Variants in ST3GAL6 observed in about 807,000 individuals in gnomAD.
ST3GAL6 encodes type 2 lactosamine alpha-2,3-sialyltransferase.
Under a neutral mutation model 40.5 loss-of-function variants are expected in ST3GAL6, and 31 were observed. That is an observed-to-expected ratio of 0.77 (90% CI 0.58 to 1.03). ST3GAL6 has a LOEUF of 1.03. ST3GAL6 is among the 50% of genes least tolerant of loss of function. The probability of loss-of-function intolerance (pLI) is 0.00; values close to 1 mark genes in which losing one functional copy is unlikely to be tolerated. For synonymous variants in ST3GAL6, 129 were observed against 136.9 expected, an observed-to-expected ratio of 0.94 and a Z score of 0.40; for missense variants, 357 against 393.2, an observed-to-expected ratio of 0.91 and a Z score of 0.78.
chr3:98,756,448 C>G lies in ST3GAL6; in HGVS notation c.-11-11982C>G, dbSNP rs1414821251. 2.3e-6 allele frequency: 3 copies of G among 1,289,748 alleles called. No individual in the cohort carries two copies. In the East Asian group the frequency reaches 1.7e-4, roughly 72 times the overall value. 79.9% of individuals were successfully genotyped at this position (1,289,748 alleles called of 1,614,324 possible). ...GAGGCCCCAGCAATTCAGCAGGCAG[C>G]GTCCTGAGTCTTTGGCAGCCTGGTC... On this transcript the variant is annotated intron_variant, in intron 1 of 9. Coordinates refer to the ST3GAL6 transcript ENST00000265261.
At chr3:98,754,180 A>T (rs1387740716) in intron 1 of ST3GAL6, among the ~76,000 whole-genome samples, 1 of 152,206 alleles carries the variant, frequency 6.6e-6, no homozygotes, top group Non-Finnish European at 1.5e-5. Context: ...GCCTTCTGGA[A>T]AGAATTCACC....
chr3:98,753,842 A>AG (rs1241837449), intron 1 of ST3GAL6, among the ~76,000 whole-genome samples: 1 of 152,206 alleles, frequency 6.6e-6, no homozygotes, highest in African/African-American at 2.4e-5. Flanking sequence ...TGTGCTATAA[A>AG]GGAACAGCAT....
At chr3:98,765,150 C>T (rs1938192801) in intron 1 of ST3GAL6, among the ~76,000 whole-genome samples, 1 of 152,076 alleles carries the variant, frequency 6.6e-6, no homozygotes, top group Non-Finnish European at 1.5e-5. Flanking sequence ...TTGAGCCTGC[C>T]CTAGAGTCAC....
intron 8 of ST3GAL6, 66 bp from the exon 9 acceptor site, chr3:98,791,775 C>A: frequency 6.9e-7 from 1 of 1,444,244 alleles, no homozygotes; most frequent in Non-Finnish European, 9.5e-7. Context: ...ATTCAGCCAA[C>A]CAAATATGCT....
chr3:98,733,044 C>G (rs1935176278), intron 1 of ST3GAL6: 1 of 1,421,422 alleles, frequency 7.0e-7, no homozygotes, highest in South Asian at 1.5e-5. Flanking sequence ...GAAGACCGGT[C>G]TGGGCCGGGG....
At chr3:98,766,978 T>A (rs1175911334) in intron 1 of ST3GAL6, among the ~76,000 whole-genome samples, 1 of 152,230 alleles carries the variant, frequency 6.6e-6, no homozygotes, top group Non-Finnish European at 1.5e-5. Flanking sequence ...TGTTGACTCT[T>A]CACAGGGATT....
chr3:98,758,785 G>A (rs1303481098), upstream of ST3GAL6, among the ~76,000 whole-genome samples: 1 of 152,210 alleles, frequency 6.6e-6, no homozygotes, highest in Non-Finnish European at 1.5e-5. Flanking sequence ...ATGGGAAGCT[G>A]ATACTTCACT....
chr3:98,763,425 G>A lies in ST3GAL6; in HGVS notation c.-26G>A. The A allele has an allele frequency of 7.8e-7, 1 of 1,289,770 alleles. No homozygotes were observed. Among genetic ancestry groups the A allele is most frequent in the East Asian group, 5.6e-5 (1 of 18,012 alleles). 79.9% of individuals were successfully genotyped at this position (1,289,770 alleles called of 1,614,324 possible). A position where few individuals can be genotyped will look rare whatever the true frequency, so the allele number is the denominator to read the frequency against. On this transcript the variant is annotated 5_prime_UTR_variant, in exon 1 of 10. It introduces an in-frame stop codon into an upstream open reading frame of the 5' UTR. Transcript: ENST00000483910. ...GACACAGGTGTCAGCAGGGCCACCT[G>A]GTAAAGGTATGGAGGTGAGCCATGA...
At chr3:98,733,411 T>A (rs1010942625) in intron 1 of ST3GAL6, 78 of 1,015,196 alleles carry the variant, frequency 7.7e-5, no homozygotes, top group Non-Finnish European at 8.9e-5. Context: ...CCAAGAGGAG[T>A]GTCCAGCTCC....
At chr3:98,762,191 T>C (rs1203253801), upstream of ST3GAL6, among the ~76,000 whole-genome samples, 1 of 151,846 alleles carries the variant, frequency 6.6e-6, no homozygotes, top group Non-Finnish European at 1.5e-5. Flanking sequence ...AGCAGAAGAG[T>C]TGGGGGAGGA....
intron 5 of ST3GAL6, among the ~76,000 whole-genome samples, chr3:98,781,476 A>G (rs948977451): frequency 2.0e-5 from 3 of 148,038 alleles, no homozygotes; most frequent in Admixed American, 2.0e-4. Context: ...TTAAAGTATA[A>G]AAAAAAAAAA....
At chr3:98,733,257 G>C in intron 1 of ST3GAL6, 1 of 983,182 alleles carries the variant, frequency 1.0e-6, no homozygotes, top group Non-Finnish European at 1.2e-6. Context: ...ACCGCCGAGA[G>C]GGCACCCGGG....
At chr3:98,785,171 C>T (rs1940578806) in intron 6 of ST3GAL6, 131 bp downstream of exon 6, 5 of 612,308 alleles carry the variant, frequency 8.2e-6, no homozygotes, top group East Asian at 2.9e-5. Context: ...ACAACCTTCT[C>T]TCTTGGTTGT....
chr3:98,758,363 A>T (rs1008786356), upstream of ST3GAL6, among the ~76,000 whole-genome samples: 1 of 152,228 alleles, frequency 6.6e-6, no homozygotes, highest in Non-Finnish European at 1.5e-5. Context: ...CCTATTTGCC[A>T]ACTCAGATTG....
At chr3:98,750,929 T>C (rs1354744929) in intron 1 of ST3GAL6, among the ~76,000 whole-genome samples, 1 of 152,194 alleles carries the variant, frequency 6.6e-6, no homozygotes, top group Admixed American at 6.5e-5. Context: ...AGCCTGTGAC[T>C]AGGCTGTCTT....
At chr3:98,764,450 A>G (rs1024883155) in intron 1 of ST3GAL6, among the ~76,000 whole-genome samples, 6 of 152,190 alleles carry the variant, frequency 3.9e-5, no homozygotes, top group Non-Finnish European at 8.8e-5. Context: ...AGTTTGAATC[A>G]AAAGTATTAT....
rs370923626 is a variant in ST3GAL6, at chr3:98,788,387, G to A, written c.680G>A (p.Arg227Gln). The A allele has an allele frequency of 5.1e-5, 83 of 1,612,678 alleles. No individual in the cohort carries two copies. The highest frequency in any genetic ancestry group is 2.0e-4 in the Admixed American group (12 of 59,702). ...CTGATTTATAAACCTTATCAAATCC[G>A]AATATTAGATCCTTTCATTATCAGA... ...LNLIYKPYQI[R>Q]ILDPFIIRTA... is the part of the protein sequence containing the mutation. Residue 227 changes from arginine (R) to glutamine (Q), a missense_variant, in exon 8 of 10, where the codon CGA becomes CAA. Physicochemically the swap from Arg to Gln is conservative, Grantham distance 43 (BLOSUM62 1). Transcript: ENST00000483910.
intron 1 of ST3GAL6, among the ~76,000 whole-genome samples, chr3:98,734,753 T>A (rs900731771): frequency 6.6e-6 from 1 of 152,200 alleles, no homozygotes; most frequent in African/African-American, 2.4e-5. Context: ...TTAAGAGACA[T>A]ACCATTTAAA....
chr3:98,734,703 T>G (rs549990856), intron 1 of ST3GAL6, among the ~76,000 whole-genome samples: 1 of 152,288 alleles, frequency 6.6e-6, no homozygotes, highest in African/African-American at 2.4e-5. Flanking sequence ...TAAAAAACCT[T>G]TGAGGCTCAA....
Sources: allele counts gnomAD v4.1 joint callset (sites outside exome capture counted in the v4.1 genomes callset), GRCh38; gene constraint gnomAD v4.1.1; transcripts MANE v1.5; gene names NCBI Gene and HGNC (gene_info 2026-07-23, HGNC 2026-07-21).